TRPM7: variants seen among roughly 807,000 people sequenced by gnomAD.
TRPM7 encodes the protein transient receptor potential cation channel subfamily M member 7, also known as LTRPC ion channel family member 7.
TRPM7 carries 134 observed loss-of-function variants against 229.7 expected under a neutral mutation model. That is an observed-to-expected ratio of 0.58 (90% confidence interval 0.51 to 0.67). The LOEUF (loss-of-function observed/expected upper bound fraction) is 0.67, where lower values mean the gene tolerates loss of function less well. Ranked by LOEUF, TRPM7 falls within the 30% of genes least tolerant of loss-of-function variation. TRPM7 has a pLI of 0.00. For synonymous variants in TRPM7, 699 were observed against 715.2 expected (o/e 0.98, Z 0.36); for missense variants, 1,901 against 2,210.0 (o/e 0.86, Z 2.80).
intron 4 of TRPM7, among the ~76,000 whole-genome samples, chr15:50,645,611 C>T (rs931324241): frequency 2.6e-5 from 4 of 152,208 alleles, no homozygotes; most frequent in African/African-American, 9.6e-5. Flanking sequence ...GGATTACAGG[C>T]ATAAGCCACC....
chr15:50,679,538 A>ATATATATATTTT (rs1400383980), intron 1 of TRPM7, among the ~76,000 whole-genome samples: 3 of 43,902 alleles, frequency 6.8e-5, no homozygotes, highest in African/African-American at 3.2e-4. Context: ...ATATATATAT[A>ATATATATATTTT]TTTTTTTTTT....
At chr15:50,589,474 TTAA>T (rs1461511978) in intron 27 of TRPM7, 115 bp downstream of exon 27, 1 of 674,126 alleles carries the variant, frequency 1.5e-6, no homozygotes. Flanking sequence ...TATCAGCATG[TTAA>T]TGATATCTGC....
At chr15:50,650,630 G>A (rs1776558525) in intron 3 of TRPM7, among the ~76,000 whole-genome samples, 1 of 152,086 alleles carries the variant, frequency 6.6e-6, no homozygotes, top group Non-Finnish European at 1.5e-5. Flanking sequence ...GGGAGGCAGA[G>A]GTTGTGGTGA....
intron 10 of TRPM7, among the ~76,000 whole-genome samples, chr15:50,629,809 C>A (rs900426260): frequency 6.7e-6 from 1 of 148,892 alleles, no homozygotes; most frequent in Non-Finnish European, 1.5e-5. Flanking sequence ...GGTTAATACA[C>A]AGAAAAGTAC....
chr15:50,568,036 A>AC (rs2053685734), intron 38 of TRPM7, among the ~76,000 whole-genome samples: 1 of 144,104 alleles, frequency 6.9e-6, no homozygotes, highest in Non-Finnish European at 1.5e-5. Context: ...CGGAGACCAC[A>AC]CCACTGCACT....
In TRPM7 at chr15:50,614,178, G is replaced by A. The variant is rs2060147480; in HGVS notation, c.1580C>T (p.Thr527Ile). The change falls in exon 14 of 39, where the codon ACC becomes ATC. Residue 527 changes from threonine to isoleucine, a missense_variant. Physicochemically the swap from Thr to Ile is moderately conservative, Grantham distance 89 (BLOSUM62 -1). Transcript: ENST00000646667. ...EYLMGGTYRC[T>I]YTRKRFRLIY... ...TAATCGAAAACGTTTCCTAGTATAG[G>A]TGCATCTGTAGGTTCCTCCCATGAG... 1 of 1,612,818 alleles carries A rather than the reference G, an allele frequency of 6.2e-7. No homozygotes were observed. Among genetic ancestry groups the A allele is most frequent in the Non-Finnish European group, 8.5e-7 (1 of 1,179,414 alleles).
intron 17 of TRPM7, 128 bp from the exon 18 acceptor site, chr15:50,610,089 C>T: frequency 1.5e-6 from 1 of 666,932 alleles, no homozygotes; most frequent in Non-Finnish European, 2.3e-6. Context: ...TTGCCCCTAG[C>T]AGTAGAGGGA....
intron 1 of TRPM7, among the ~76,000 whole-genome samples, chr15:50,686,002 T>G (rs1356562508): frequency 2.0e-5 from 3 of 152,234 alleles, no homozygotes; most frequent in African/African-American, 7.2e-5. Flanking sequence ...GAAATGTACC[T>G]GTAGAGTATC....
At chr15:50,635,954 G>A (rs921955850) in intron 7 of TRPM7, among the ~76,000 whole-genome samples, 1 of 151,532 alleles carries the variant, frequency 6.6e-6, no homozygotes, top group East Asian at 1.9e-4. Context: ...ACAACAGCCA[G>A]GGCGACAGTG....
At position 50,619,780 on chromosome 15, in the gene TRPM7, G is replaced by A; in HGVS notation, c.1459C>T (p.Pro487Ser). The change falls in exon 13 of 39, where the codon CCA becomes TCA. Residue 487 changes from proline to serine, a missense_variant. Transcript: ENST00000646667. ...TCTCGAACAAGATGAAACAGCATTGGATTAGTTGGACCTTGTTTCTTTAGG... is the reference window on the plus strand; with the variant it reads ...TCTCGAACAAGATGAAACAGCATTGAATTAGTTGGACCTTGTTTCTTTAGG... ...LYNTKQGPTN[P>S]MLFHLVRDVK... 1 of 1,601,074 alleles carries A rather than the reference G, an allele frequency of 6.2e-7. No individual in the cohort carries two copies. Among genetic ancestry groups the A allele is most frequent in the Non-Finnish European group, 8.5e-7 (1 of 1,176,376 alleles).
At chr15:50,667,118 T>C (rs1038887017) in intron 1 of TRPM7, among the ~76,000 whole-genome samples, 1 of 152,050 alleles carries the variant, frequency 6.6e-6, no homozygotes, top group Non-Finnish European at 1.5e-5. Flanking sequence ...GACTGCAGCA[T>C]TGATTGGCCG....
chr15:50,618,358 C>T (rs796592116), intron 13 of TRPM7, among the ~76,000 whole-genome samples: 5 of 152,144 alleles, frequency 3.3e-5, no homozygotes, highest in African/African-American at 9.6e-5. Flanking sequence ...ATCACGAGGT[C>T]AGGAGATCGA....
At chr15:50,639,711 T>C (rs2061030215) in intron 5 of TRPM7, among the ~76,000 whole-genome samples, 163 bp from the exon 6 acceptor site, 1 of 150,760 alleles carries the variant, frequency 6.6e-6, no homozygotes, top group African/African-American at 2.4e-5. Flanking sequence ...GGACTACAGG[T>C]GCGTGCTAAG....
intron 2 of TRPM7, among the ~76,000 whole-genome samples, chr15:50,660,451 G>A (rs563265710): frequency 2.0e-4 from 30 of 152,210 alleles, no homozygotes; most frequent in African/African-American, 6.7e-4. Flanking sequence ...TCAGGAGCTC[G>A]AGACCAGCCT....
At chr15:50,611,945 T>G in intron 16 of TRPM7, among the ~76,000 whole-genome samples, 1 of 152,230 alleles carries the variant, frequency 6.6e-6, no homozygotes, top group East Asian at 1.9e-4. Flanking sequence ...GTGTATGTAG[T>G]TCTAGCTTCT....
intron 10 of TRPM7, 60 bp downstream of exon 10, chr15:50,631,345 TACACACATACAC>T (rs1567044123): frequency 1.2e-6 from 1 of 802,086 alleles, no homozygotes; most frequent in Non-Finnish European, 2.0e-6. Flanking sequence ...CATACACATA[TACACACATACAC>T]ACACATATAC....
Position 50,560,532 on chromosome 15 carries a change from G to T in TRPM7, c.*1146C>A, listed in dbSNP as rs11551656. The T allele has an allele frequency of 6.9e-6, 1 of 145,468 alleles. No homozygotes were observed. Among genetic ancestry groups the T allele is most frequent in the Non-Finnish European group, 1.5e-5 (1 of 65,762 alleles). The allele number at this position is 145,468 out of a possible 1,614,324, so 9.0% of individuals were successfully genotyped here. ...TAAAATTAGTACCAAGGAAACAAAA[G>T]AAAAAGAAAAAAAAAGAAAAAAAAT... On this transcript the variant is annotated 3_prime_UTR_variant, in exon 39 of 39. Coordinates refer to ENST00000646667, the MANE Select transcript of TRPM7 (RefSeq NM_017672.6).
intron 29 of TRPM7, among the ~76,000 whole-genome samples, chr15:50,581,251 C>T (rs892086118): frequency 6.6e-6 from 1 of 152,070 alleles, no homozygotes; most frequent in Non-Finnish European, 1.5e-5. Flanking sequence ...ATAATCCCAG[C>T]ACTTTGGGAG....
intron 21 of TRPM7, chr15:50,604,493 C>T (rs1438569900): frequency 6.5e-6 from 1 of 153,012 alleles, no homozygotes; most frequent in East Asian, 1.9e-4. Flanking sequence ...AATCGCTGAA[C>T]CTGAGAGGCA....
Sources: allele counts gnomAD v4.1 joint callset (sites outside exome capture counted in the v4.1 genomes callset), GRCh38; gene constraint gnomAD v4.1.1; transcripts MANE v1.5; gene names NCBI Gene and HGNC (gene_info 2026-07-23, HGNC 2026-07-21).